Variants in DOCK2 observed in about 807,000 individuals in gnomAD.
DOCK2 encodes the protein dedicator of cytokinesis 2.
DOCK2 carries 87 observed loss-of-function variants against 248.9 expected under a neutral mutation model. The ratio of observed to expected loss-of-function variants is 0.35; its 90% CI spans 0.29 to 0.42. DOCK2 has a LOEUF of 0.42. Among genes scored for constraint, DOCK2 ranks in the 10% least tolerant of loss-of-function variants. DOCK2 has a pLI of 1.00. For synonymous variants in DOCK2, 805 were observed against 821.6 expected, an observed-to-expected ratio of 0.98 and a Z score of 0.35; for missense variants, 1,747 against 2,300.2, an observed-to-expected ratio of 0.76 and a Z score of 4.92.
chr5:169,678,269 G>GT (rs1315661376), intron 6 of DOCK2, among the ~76,000 whole-genome samples: 22 of 151,912 alleles, frequency 1.4e-4, no homozygotes, highest in African/African-American at 5.1e-4. Context: ...CTTGAGAAAA[G>GT]TTTTTGTTTT....
At chr5:169,689,373 C>A in intron 9 of DOCK2, 40 bp downstream of exon 9, 1 of 1,606,550 alleles carries the variant, frequency 6.2e-7, no homozygotes. Context: ...GCTCCCCAAC[C>A]ACAAAAATGT....
At chr5:169,741,445 G>A (rs1763296889) in intron 22 of DOCK2, among the ~76,000 whole-genome samples, 1 of 152,184 alleles carries the variant, frequency 6.6e-6, no homozygotes, top group African/African-American at 2.4e-5. Flanking sequence ...TTGTGGGGTG[G>A]GAGGGAGAGA....
chr5:169,856,600 G>GT (rs1311675119), intron 27 of DOCK2, among the ~76,000 whole-genome samples: 2 of 152,082 alleles, frequency 1.3e-5, no homozygotes, highest in Non-Finnish European at 2.9e-5. Context: ...AAGGTATATT[G>GT]TTTTTTATTT....
intron 25 of DOCK2, among the ~76,000 whole-genome samples, chr5:169,765,070 G>GCACACACACA (rs142755026): frequency 0.013 from 1,854 of 146,554 alleles, 27 homozygotes; most frequent in East Asian, 0.036. Flanking sequence ...CTCTTTTAGC[G>GCACACACACA]CACACACACA....
chr5:169,970,384 G>A (rs1260137377), intron 27 of DOCK2, among the ~76,000 whole-genome samples: 1 of 152,170 alleles, frequency 6.6e-6, no homozygotes, highest in East Asian at 1.9e-4. Flanking sequence ...ATTTATCCTG[G>A]GCATCTGGAC....
At chr5:170,017,221 C>A (rs952858208) in intron 32 of DOCK2, among the ~76,000 whole-genome samples, 11 of 152,144 alleles carry the variant, frequency 7.2e-5, no homozygotes, top group Non-Finnish European at 1.6e-4. Context: ...CCAGGCCACA[C>A]GCCATACCAC....
chr5:169,935,258 C>T (rs1581441083), intron 27 of DOCK2, among the ~76,000 whole-genome samples: 1 of 152,284 alleles, frequency 6.6e-6, no homozygotes, highest in African/African-American at 2.4e-5. Flanking sequence ...TGCCAAGATC[C>T]TCTCTTTTGT....
At chr5:169,928,127 C>A (rs1249770458) in intron 27 of DOCK2, among the ~76,000 whole-genome samples, 2 of 152,212 alleles carry the variant, frequency 1.3e-5, no homozygotes, top group African/African-American at 4.8e-5. Context: ...CAGGCCTTCC[C>A]AGCCAAACCC....
intron 22 of DOCK2, among the ~76,000 whole-genome samples, chr5:169,726,995 G>A (rs1008104784): frequency 1.3e-5 from 2 of 152,018 alleles, no homozygotes; most frequent in African/African-American, 4.8e-5. Flanking sequence ...CTTGAACTGG[G>A]GGGTGGAGGT....
intron 2 of DOCK2, among the ~76,000 whole-genome samples, chr5:169,664,339 A>G (rs773178632): frequency 2.0e-4 from 30 of 152,232 alleles, no homozygotes; most frequent in Non-Finnish European, 3.2e-4. Context: ...AGTCTCTAGC[A>G]AGTTCCAAAC....
chr5:169,758,628 C>G (rs1486323602), intron 23 of DOCK2, among the ~76,000 whole-genome samples: 3 of 152,184 alleles, frequency 2.0e-5, no homozygotes, highest in African/African-American at 7.2e-5. Context: ...TCTCCACTTG[C>G]TAACTTTTCA....
At chr5:169,817,050 CT>C (rs999499254) in intron 26 of DOCK2, among the ~76,000 whole-genome samples, 3 of 152,174 alleles carry the variant, frequency 2.0e-5, no homozygotes, top group African/African-American at 7.2e-5. Flanking sequence ...TGGGTTCACA[CT>C]TTTATATTAT....
chr5:169,886,004 C>T (rs1056451655), intron 27 of DOCK2, among the ~76,000 whole-genome samples: 7 of 151,892 alleles, frequency 4.6e-5, no homozygotes, highest in Non-Finnish European at 8.8e-5. Flanking sequence ...GCATTCTTAA[C>T]TATGAAGTTA....
chr5:169,754,691 T>C (rs1475198815), intron 23 of DOCK2, among the ~76,000 whole-genome samples: 1 of 152,200 alleles, frequency 6.6e-6, no homozygotes, highest in Non-Finnish European at 1.5e-5. Flanking sequence ...GTAGTGGACG[T>C]ACTGGATAAC....
chr5:169,959,975 G>A (rs1777019936), intron 27 of DOCK2, among the ~76,000 whole-genome samples: 1 of 152,206 alleles, frequency 6.6e-6, no homozygotes, highest in South Asian at 2.1e-4. Flanking sequence ...GAGTAAATAG[G>A]TTAAATTAAA....
At chr5:169,991,686 T>C (rs1199005697) in intron 29 of DOCK2, among the ~76,000 whole-genome samples, 5 of 152,230 alleles carry the variant, frequency 3.3e-5, no homozygotes, top group African/African-American at 1.2e-4. Flanking sequence ...TGCGAAGGGC[T>C]GCGTGCATGG....
In DOCK2 at chr5:169,993,628, T is replaced by C. The variant is rs369599947; in HGVS notation, c.2994-2458T>C. 2.0e-5 allele frequency among the ~76,000 whole-genome samples: 3 copies of C among 151,600 alleles called. No homozygotes were observed. The South Asian group carries it at 6.3e-4, about 32-fold the overall frequency. ...ATACACTGTCTTCCGTGTTCAACAG[T>C]CATGAAAGTATTTTAATGAACACCT... On this transcript the variant is annotated intron_variant, in intron 29 of 51. Coordinates refer to ENST00000520908, the MANE Select transcript of DOCK2 (RefSeq NM_004946.3).
intron 1 of DOCK2, among the ~76,000 whole-genome samples, chr5:169,639,979 T>C (rs1757062904): frequency 6.6e-6 from 1 of 152,262 alleles, no homozygotes; most frequent in African/African-American, 2.4e-5. Flanking sequence ...GCTTGTCTCA[T>C]GGCCTATCTC....
chr5:169,967,896 G>A (rs1427162273), intron 27 of DOCK2, among the ~76,000 whole-genome samples: 1 of 152,158 alleles, frequency 6.6e-6, no homozygotes, highest in Non-Finnish European at 1.5e-5. Flanking sequence ...AGAAAGGGTG[G>A]AACAAAGGAC....
Sources: gnomAD v4.1 joint callset for allele counts (sites outside exome capture counted in the v4.1 genomes callset) on GRCh38, gnomAD v4.1.1 for gene constraint, MANE v1.5 for transcripts, NCBI Gene and HGNC (gene_info 2026-07-23, HGNC 2026-07-21) for gene names.